RRAGC: variants seen among roughly 807,000 people sequenced by gnomAD.
The protein encoded by RRAGC is Ras related GTP binding C, also known as ras-related GTP-binding protein C.
A neutral mutation model predicts 37.1 loss-of-function variants in RRAGC; 8 were observed. The observed-to-expected ratio is 0.22, with a 90% confidence interval of 0.13 to 0.39. The LOEUF is 0.39. RRAGC is among the 10% of genes least tolerant of loss of function. The pLI, the probability that RRAGC is intolerant of heterozygous loss-of-function variation, is 1.00. For synonymous variants in RRAGC, 190 were observed against 181.1 expected (o/e 1.05, Z -0.39); for missense variants, 342 against 497.6 (o/e 0.69, Z 2.98).
chr1:38,853,753 A>G (rs191906049), intron 3 of RRAGC, among the ~76,000 whole-genome samples: 2,237 of 152,178 alleles, frequency 0.015, 24 homozygotes, highest in Non-Finnish European at 0.023. Context: ...ATCTCAAAAA[A>G]AAAAAAAAAA....
chr1:38,843,903 T>G (rs1300830248), intron 6 of RRAGC, among the ~76,000 whole-genome samples: 1 of 152,072 alleles, frequency 6.6e-6, no homozygotes, highest in African/African-American at 2.4e-5. Context: ...TATTATCAAG[T>G]AAGAGACTAC....
At chr1:38,845,228 A>G (rs1193537169) in intron 6 of RRAGC, among the ~76,000 whole-genome samples, 1 of 152,208 alleles carries the variant, frequency 6.6e-6, no homozygotes, top group African/African-American at 2.4e-5. Context: ...ACCAACCCAA[A>G]TGCCCATCAA....
intron 3 of RRAGC, among the ~76,000 whole-genome samples, chr1:38,853,695 C>A (rs1392991934): frequency 6.6e-6 from 1 of 150,460 alleles, no homozygotes; most frequent in African/African-American, 2.5e-5. Context: ...TGCGGTGAGC[C>A]GAGATGGCAT....
intron 2 of RRAGC, among the ~76,000 whole-genome samples, chr1:38,856,206 AGT>A (rs1456074874): frequency 3.3e-5 from 5 of 152,196 alleles, no homozygotes; most frequent in Non-Finnish European, 1.5e-5. Flanking sequence ...CCATTTATTC[AGT>A]GTGTCACTTT....
intron 6 of RRAGC, among the ~76,000 whole-genome samples, chr1:38,844,278 G>A (rs1642002725): frequency 6.6e-6 from 1 of 152,020 alleles, no homozygotes; most frequent in African/African-American, 2.4e-5. Context: ...ATTTAAGAGA[G>A]AACGTCTTAC....
At chr1:38,856,724 T>C (rs972590136) in intron 2 of RRAGC, 155 bp downstream of exon 2, 51 of 653,982 alleles carry the variant, frequency 7.8e-5, no homozygotes, top group Non-Finnish European at 1.2e-4. Flanking sequence ...GCATGTCTGC[T>C]CCCAAAGCAC....
chr1:38,844,895 T>C (rs1557584431), intron 6 of RRAGC, among the ~76,000 whole-genome samples: 2 of 152,176 alleles, frequency 1.3e-5, no homozygotes, highest in Non-Finnish European at 2.9e-5. Context: ...CACTGGTCAT[T>C]AGAGAAATCC....
chr1:38,855,750 T>C lies in RRAGC; in HGVS notation c.599A>G (p.Asn200Ser), dbSNP rs142144580. 3.6e-5 allele frequency: 58 copies of C among 1,614,010 alleles called. 1 individual carries two copies. Among genetic ancestry groups the C allele is most frequent in the South Asian group, 1.8e-4 (16 of 91,084 alleles). The change falls in exon 3 of 7, where the codon AAT (asparagine) becomes AGT (serine). Residue 200 changes from asparagine to serine, a missense_variant. Transcript: ENST00000373001. ...ETQRDIHQRA[N>S]DDLADAGLEK... ...TAGCCCAGCATCTGCAAGGTCATCA[T>C]TGGCCCTTTGATGAATGTCCCTCTG...
intron 3 of RRAGC, chr1:38,852,743 A>G (rs1317922504): frequency 1.7e-5 from 4 of 229,658 alleles, no homozygotes; most frequent in Non-Finnish European, 2.5e-5. Context: ...ATAAACTCCA[A>G]TATTCACCGA....
intron 3 of RRAGC, among the ~76,000 whole-genome samples, chr1:38,854,075 T>TTTTTA (rs1642135850): frequency 6.8e-6 from 1 of 148,022 alleles, no homozygotes; most frequent in African/African-American, 2.5e-5. Context: ...CTTTTTTTTT[T>TTTTTA]TTTTTTTTTT....
At chr1:38,858,338 C>T (rs1557589266) in intron 1 of RRAGC, among the ~76,000 whole-genome samples, 1 of 152,100 alleles carries the variant, frequency 6.6e-6, no homozygotes, top group Non-Finnish European at 1.5e-5. Flanking sequence ...AGTTTTATTA[C>T]CAGCTCACTC....
At chr1:38,858,322 G>A (rs1041633976) in intron 1 of RRAGC, among the ~76,000 whole-genome samples, 1 of 152,198 alleles carries the variant, frequency 6.6e-6, no homozygotes, top group African/African-American at 2.4e-5. Context: ...GGTGCCTGCT[G>A]ATACTAGTTT....
chr1:38,838,962 C>T lies in RRAGC; in HGVS notation c.*591G>A, dbSNP rs1329001338. On this transcript the variant is annotated 3_prime_UTR_variant, in exon 7 of 7. Coordinates refer to ENST00000373001, the MANE Select transcript of RRAGC (RefSeq NM_022157.4). Reference sequence around the variant, plus strand: ...AATGCAACCACCGTTGAGCCTTGCTCTCCACCTGATGCAGCATAAAATTTT... The same window carrying T: ...AATGCAACCACCGTTGAGCCTTGCTTTCCACCTGATGCAGCATAAAATTTT... 1.3e-5 allele frequency: 2 copies of T among 152,242 alleles called. No individual in the cohort carries two copies. Among genetic ancestry groups the T allele is most frequent in the African/African-American group, 4.8e-5 (2 of 41,458 alleles). The allele number at this position is 152,242 out of a possible 1,614,324, so 9.4% of individuals were successfully genotyped here.
intron 1 of RRAGC, among the ~76,000 whole-genome samples, chr1:38,858,257 T>C (rs550101567): frequency 7.2e-5 from 11 of 151,900 alleles, no homozygotes; most frequent in African/African-American, 2.7e-4. Context: ...GAAAAAAAAA[T>C]CACAGATTTA....
At chr1:38,857,957 AC>A (rs1642187234) in intron 1 of RRAGC, among the ~76,000 whole-genome samples, 2 of 152,110 alleles carry the variant, frequency 1.3e-5, no homozygotes. Context: ...AGACTCCATA[AC>A]AAACAAACAA....
intron 5 of RRAGC, 192 bp downstream of exon 5, chr1:38,851,423 A>G (rs1256572189): frequency 1.5e-5 from 6 of 405,532 alleles, no homozygotes; most frequent in Non-Finnish European, 2.6e-5. Context: ...TTTCTTAGCC[A>G]TTCTCCGAAG....
At chr1:38,849,630 G>A (rs1642071923) in intron 5 of RRAGC, among the ~76,000 whole-genome samples, 1 of 152,154 alleles carries the variant, frequency 6.6e-6, no homozygotes, top group Non-Finnish European at 1.5e-5. Flanking sequence ...AGAGGTTGCA[G>A]TGAGCCCAGA....
At chr1:38,850,844 GT>G (rs377558651) in intron 5 of RRAGC, among the ~76,000 whole-genome samples, 2 of 98,662 alleles carry the variant, frequency 2.0e-5, no homozygotes, top group African/African-American at 4.5e-5. Context: ...TTTTTTTGTT[GT>G]TTTTTTTTGG....
chr1:38,859,381 G>A, intron 1 of RRAGC, 29 bp downstream of exon 1: 3 of 1,538,920 alleles, frequency 1.9e-6, no homozygotes, highest in Non-Finnish European at 2.6e-6. Flanking sequence ...CCGGGGAGGG[G>A]GCGGGGGACT....
Sources: gnomAD v4.1 joint callset for allele counts (sites outside exome capture counted in the v4.1 genomes callset) on GRCh38, gnomAD v4.1.1 for gene constraint, MANE v1.5 for transcripts, NCBI Gene and HGNC (gene_info 2026-07-23, HGNC 2026-07-21) for gene names.